The following FAH variants were observed in gnomAD, a reference collection of about 807,000 sequenced individuals.
FAH encodes the protein fumarylacetoacetate hydrolase, also known as fumarylacetoacetase.
In FAH, 47 loss-of-function variants were observed where a neutral mutation model predicts 55.8. The ratio of observed to expected loss-of-function variants is 0.84; its 90% confidence interval spans 0.67 to 1.07. The LOEUF (loss-of-function observed/expected upper bound fraction) is 1.07. Among genes scored for constraint, FAH ranks in the 50% least tolerant of loss-of-function variants. The pLI, the probability that FAH is intolerant of heterozygous loss-of-function variation, is 0.00. For missense variants in FAH, 495 were observed against 545.9 expected, an observed-to-expected ratio of 0.91 and a Z score of 0.93; for synonymous variants, 199 against 207.7, an observed-to-expected ratio of 0.96 and a Z score of 0.36.
At chr15:80,166,095 A>G (rs1595892432) in intron 5 of FAH, 1 of 152,130 alleles carries the variant, frequency 6.6e-6, no homozygotes, top group East Asian at 1.9e-4. Context: ...TCCAGAGACA[A>G]AACTGTTAAT....
In FAH at chr15:80,159,895, A is replaced by G. The variant is rs929155893; in HGVS notation, c.314+18A>G. On this transcript the variant is annotated intron_variant, in intron 3 of 13. Transcript: ENST00000561421. ...CGGAAGTGGTGAGAAGCACGTGGTC[A>G]TAGGGGGGATGAGGGGATGCAGCAG... The G allele has an allele frequency of 1.2e-6, 2 of 1,613,700 alleles. No individual in the cohort carries two copies. The highest frequency in any genetic ancestry group is 1.7e-6 in the Non-Finnish European group (2 of 1,179,832).
chr15:80,176,514 G>A (rs886318349), intron 10 of FAH, among the ~76,000 whole-genome samples: 1 of 152,172 alleles, frequency 6.6e-6, no homozygotes, highest in Non-Finnish European at 1.5e-5. Context: ...GGCTGCCCAG[G>A]GCCCTCTGGG....
chr15:80,184,064 G>A (rs1049984194), intron 13 of FAH, among the ~76,000 whole-genome samples: 9 of 152,198 alleles, frequency 5.9e-5, no homozygotes, highest in East Asian at 3.8e-4. Flanking sequence ...ATCTCTGATC[G>A]TCTTGGTTTA....
chr15:80,185,240 CACTT>C (rs1298157156), intron 13 of FAH, among the ~76,000 whole-genome samples: 7 of 152,164 alleles, frequency 4.6e-5, no homozygotes, highest in African/African-American at 1.7e-4. Context: ...TAATGACTGA[CACTT>C]ACAGGGAATT....
intron 10 of FAH, among the ~76,000 whole-genome samples, chr15:80,176,116 A>C (rs2041282143): frequency 6.6e-6 from 1 of 151,984 alleles, no homozygotes; most frequent in Non-Finnish European, 1.5e-5. Context: ...CCCTGGGTTC[A>C]AGCGAGTCTT....
chr15:80,162,873 A>C (rs528100672), intron 5 of FAH: 1 of 202,100 alleles, frequency 4.9e-6, no homozygotes, highest in Admixed American at 5.3e-5. Flanking sequence ...ACAGGGCCAC[A>C]GCCTGTCTCC....
chr15:80,161,693 T>A (rs1418260889), intron 4 of FAH, among the ~76,000 whole-genome samples: 6 of 152,298 alleles, frequency 3.9e-5, no homozygotes, highest in Middle Eastern at 3.4e-3. Flanking sequence ...TGTCCTGGAA[T>A]GTCCACAGTC....
intron 13 of FAH, among the ~76,000 whole-genome samples, chr15:80,184,725 G>C (rs1567123044): frequency 1.3e-5 from 2 of 152,160 alleles, no homozygotes; most frequent in Non-Finnish European, 2.9e-5. Flanking sequence ...GGGTCACGGG[G>C]CTTCTTAGGG....
chr15:80,176,753 G>T (rs547766091), intron 10 of FAH, among the ~76,000 whole-genome samples: 1 of 152,218 alleles, frequency 6.6e-6, no homozygotes, highest in Non-Finnish European at 1.5e-5. Flanking sequence ...GAACCTGCCC[G>T]CCCGGGGGAG....
chr15:80,186,283 G>T lies in FAH; in HGVS notation c.*74G>T, dbSNP rs545305150. 29 of 1,232,706 alleles carry T rather than the reference G, an allele frequency of 2.4e-5. 1 individual carries two copies. The South Asian group carries it at 2.9e-4, about 12-fold the overall frequency. The allele number at this position is 1,232,706 out of a possible 1,614,324, so 76.4% of individuals were successfully genotyped here. Reference sequence around the variant, plus strand: ...CCCTGTGACTGGGGTCCTCCCTCGGGCTGTAGGCCTGGTCCGCCATTCAGT... The same window carrying T: ...CCCTGTGACTGGGGTCCTCCCTCGGTCTGTAGGCCTGGTCCGCCATTCAGT... On this transcript the variant is annotated 3_prime_UTR_variant, in exon 14 of 14. Transcript: ENST00000561421.
chr15:80,176,180 CT>C (rs1340217752), intron 10 of FAH, among the ~76,000 whole-genome samples: 1 of 152,114 alleles, frequency 6.6e-6, no homozygotes, highest in Non-Finnish European at 1.5e-5. Context: ...CCATGCCTGG[CT>C]AATTTTGTAT....
chr15:80,172,385 T>C, intron 8 of FAH, 137 bp downstream of exon 8: 1 of 670,254 alleles, frequency 1.5e-6, no homozygotes, highest in East Asian at 2.7e-5. Context: ...GGTCTGGGTA[T>C]CAAACAGACT....
At chr15:80,177,673 T>C (rs1232625817) in intron 11 of FAH, 90 bp downstream of exon 11, 4 of 1,253,504 alleles carry the variant, frequency 3.2e-6, no homozygotes, top group African/African-American at 1.5e-5. Flanking sequence ...AGCATTCCTT[T>C]TGGGATATGA....
In FAH at chr15:80,180,243, C is replaced by T. The variant is rs778946960; in HGVS notation, c.1062+18C>T. 15 of 1,587,296 alleles carry T rather than the reference C, an allele frequency of 9.5e-6. No individual in the cohort carries two copies. The East Asian group carries it at 3.3e-4, about 35-fold the overall frequency. On this transcript the variant is annotated intron_variant, in intron 12 of 13. Transcript: ENST00000561421. Reference sequence around the variant, plus strand: ...GCGGGCCGGTGAGTATCTGGCTGCACTGAGGGCTGCCCACGCAGAGCATCC... The same window carrying T: ...GCGGGCCGGTGAGTATCTGGCTGCATTGAGGGCTGCCCACGCAGAGCATCC...
intron 1 of FAH, among the ~76,000 whole-genome samples, chr15:80,154,115 GACCA>G (rs2041078353): frequency 6.6e-6 from 1 of 152,208 alleles, no homozygotes. Flanking sequence ...TGGCCGGGCT[GACCA>G]GATGTTGCAA....
rs1446141136 is a variant in FAH, at chr15:80,158,055, C to A, written c.82-5C>A. On this transcript the variant is annotated splice_region_variant and splice_polypyrimidine_tract_variant and intron_variant, in intron 1 of 13. Transcript: ENST00000561421. ...CTGGTGCTGACGGTGTCGTCTTCCT[C>A]CTAGCCAAGACCGAGGATAGGTGTG... The A allele has an allele frequency of 6.2e-7, 1 of 1,611,978 alleles. No individual in the cohort carries two copies. The highest frequency in any genetic ancestry group is 1.1e-5 in the South Asian group (1 of 91,038).
intron 12 of FAH, among the ~76,000 whole-genome samples, chr15:80,180,626 A>G (rs2041323109): frequency 1.3e-5 from 2 of 152,120 alleles, no homozygotes; most frequent in Non-Finnish European, 2.9e-5. Context: ...TTCAGAGATG[A>G]TGACCTTGGG....
intron 5 of FAH, among the ~76,000 whole-genome samples, chr15:80,165,165 G>A (rs1724269514): frequency 6.6e-6 from 1 of 152,190 alleles, no homozygotes; most frequent in African/African-American, 2.4e-5. Context: ...GGCTGAGGTG[G>A]GTGGATCACA....
At chr15:80,184,202 C>T (rs896785809) in intron 13 of FAH, among the ~76,000 whole-genome samples, 2 of 152,198 alleles carry the variant, frequency 1.3e-5, no homozygotes, top group African/African-American at 4.8e-5. Context: ...TTCTCACTCT[C>T]CTTCAGATCT....
Sources: allele counts gnomAD v4.1 joint callset (sites outside exome capture counted in the v4.1 genomes callset), GRCh38; gene constraint gnomAD v4.1.1; transcripts MANE v1.5; gene names NCBI Gene and HGNC (gene_info 2026-07-23, HGNC 2026-07-21).